IDE: variants seen among roughly 807,000 people sequenced by gnomAD.
The protein encoded by IDE is insulin degrading enzyme, also known as insulin-degrading enzyme.
IDE carries 58 observed loss-of-function variants against 133.2 expected under a neutral mutation model. The observed-to-expected ratio is 0.44, with a 90% CI of 0.35 to 0.54. The LOEUF (loss-of-function observed/expected upper bound fraction) is 0.54, where lower values mean the gene tolerates loss of function less well. Among genes scored for constraint, IDE ranks in the 20% least tolerant of loss-of-function variants. IDE has a pLI of 0.00. For missense variants in IDE, 981 were observed against 1,234.0 expected, an observed-to-expected ratio of 0.79 and a Z score of 3.07; for synonymous variants, 396 against 421.3, an observed-to-expected ratio of 0.94 and a Z score of 0.73.
intron 1 of IDE, among the ~76,000 whole-genome samples, chr10:92,571,285 G>C (rs992924950): frequency 6.6e-6 from 1 of 152,132 alleles, no homozygotes; most frequent in African/African-American, 2.4e-5. Context: ...AAAGTGTTGG[G>C]ATTACAGGCA....
rs1324091028 is a variant in IDE at position 92,548,803 on chromosome 10, T to C, written c.99-11253A>G. On this transcript the variant is annotated intron_variant, in intron 1 of 24. Coordinates refer to ENST00000265986, the MANE Select transcript of IDE (RefSeq NM_004969.4). ...ATTGCTATAGATGAGCCAGTGTTTA[T>C]AGTAAGTAGTTCTCAATGGGTGACT... Among the ~76,000 whole-genome samples the C allele has an allele frequency of 2.6e-5, 4 of 152,174 alleles. No individual in the cohort carries two copies. The East Asian group carries it at 7.7e-4, about 29-fold the overall frequency.
chr10:92,455,435 C>T (rs770005443), intron 24 of IDE, 141 bp downstream of exon 24: 22 of 608,552 alleles, frequency 3.6e-5, no homozygotes, highest in Non-Finnish European at 5.9e-5. Context: ...GAGCTGAGAT[C>T]GCACCACTGC....
At chr10:92,527,930 C>A (rs1333764553) in intron 4 of IDE, among the ~76,000 whole-genome samples, 2 of 152,120 alleles carry the variant, frequency 1.3e-5, no homozygotes, top group Admixed American at 1.3e-4. Flanking sequence ...ACAGGGGAAT[C>A]GTTTGAACCT....
rs1350761980 is a variant in IDE, at chr10:92,451,688, A to G, written c.*2756T>C. 1 of 152,328 alleles carries G rather than the reference A, an allele frequency of 6.6e-6. No individual in the cohort carries two copies. Among genetic ancestry groups the G allele is most frequent in the Non-Finnish European group, 1.5e-5 (1 of 68,118 alleles). 9.4% of individuals were successfully genotyped at this position (152,328 alleles called of 1,614,324 possible). A position where few individuals can be genotyped will look rare whatever the true frequency, so the allele number is the denominator to read the frequency against. On this transcript the variant is annotated 3_prime_UTR_variant, in exon 25 of 25. Transcript: ENST00000265986. The stretch of plus-strand genomic sequence containing the variant: ...CACATCGTCCCTGAGAACAATGCTG[A>G]CTGTGCGGGCTGGACCACTGTCCTA...
At chr10:92,481,778 G>A (rs1846628366) in intron 14 of IDE, among the ~76,000 whole-genome samples, 3 of 152,196 alleles carry the variant, frequency 2.0e-5, no homozygotes, top group Non-Finnish European at 4.4e-5. Flanking sequence ...GTGGGAGGCA[G>A]ACATTTTCAG....
chr10:92,543,278 C>T (rs1280915752), intron 1 of IDE, among the ~76,000 whole-genome samples: 1 of 152,170 alleles, frequency 6.6e-6, no homozygotes, highest in Non-Finnish European at 1.5e-5. Context: ...CATAACATTC[C>T]CAGTTCCTTG....
chr10:92,453,154 CTTACTG>C lies in IDE; in HGVS notation c.*1284_*1289del, dbSNP rs1351957726. 6 of 152,128 alleles carry C rather than the reference CTTACTG, an allele frequency of 3.9e-5. No homozygotes were observed. The highest frequency in any genetic ancestry group is 1.4e-4 in the African/African-American group (6 of 41,426). 9.4% of individuals were successfully genotyped at this position (152,128 alleles called of 1,614,324 possible). A position where few individuals can be genotyped will look rare whatever the true frequency, so the allele number is the denominator to read the frequency against. On this transcript the variant is annotated 3_prime_UTR_variant, in exon 25 of 25. Transcript: ENST00000265986. Reference sequence around the variant, plus strand: ...CCTGAGTTAGTGGATGACAGGGCCACTTACTGTTACTAGTGCTTGTATATGGAAATA... The same window carrying C: ...CCTGAGTTAGTGGATGACAGGGCCACTTACTAGTGCTTGTATATGGAAATA...
At chr10:92,460,124 A>G (rs1845291316) in intron 22 of IDE, among the ~76,000 whole-genome samples, 1 of 152,168 alleles carries the variant, frequency 6.6e-6, no homozygotes, top group Non-Finnish European at 1.5e-5. Context: ...GGCGTGAGCC[A>G]CCACGCCCAG....
intron 24 of IDE, among the ~76,000 whole-genome samples, chr10:92,455,268 T>G (rs2135288844): frequency 6.6e-6 from 1 of 152,050 alleles, no homozygotes; most frequent in Middle Eastern, 3.4e-3. Flanking sequence ...TTGAGGTCAG[T>G]AGTTTGAGAC....
intron 17 of IDE, 74 bp from the exon 18 acceptor site, chr10:92,470,419 A>G (rs937105385): frequency 1.1e-6 from 1 of 917,326 alleles, no homozygotes; most frequent in East Asian, 2.6e-5. Context: ...TGAGACTTAC[A>G]GAAGACTTGC....
chr10:92,461,584 G>A (rs1845395356), intron 21 of IDE, among the ~76,000 whole-genome samples: 1 of 152,118 alleles, frequency 6.6e-6, no homozygotes, highest in Non-Finnish European at 1.5e-5. Flanking sequence ...TTGAACTCCT[G>A]ACCTCAAGTG....
intron 1 of IDE, among the ~76,000 whole-genome samples, chr10:92,573,699 G>A (rs953498729): frequency 6.6e-6 from 1 of 152,222 alleles, no homozygotes; most frequent in Non-Finnish European, 1.5e-5. Context: ...CAGCCCAAGG[G>A]ACGTCCCCGA....
chr10:92,527,583 C>T (rs1849694492), intron 4 of IDE, among the ~76,000 whole-genome samples: 1 of 152,092 alleles, frequency 6.6e-6, no homozygotes, highest in Admixed American at 6.5e-5. Context: ...GATATACCTC[C>T]CCATTTAGGC....
intron 11 of IDE, among the ~76,000 whole-genome samples, chr10:92,497,361 T>C (rs1847766740): frequency 6.6e-6 from 1 of 152,226 alleles, no homozygotes; most frequent in Admixed American, 6.5e-5. Context: ...TACCTTGGTA[T>C]TTAATGAGTT....
intron 10 of IDE, 73 bp downstream of exon 10, chr10:92,506,369 T>A (rs1452590493): frequency 1.5e-6 from 1 of 680,342 alleles, no homozygotes; most frequent in Non-Finnish European, 2.5e-6. Flanking sequence ...ATTCACTTAT[T>A]ACTGAAAATA....
At chr10:92,477,131 G>T (rs183269784) in intron 15 of IDE, among the ~76,000 whole-genome samples, 1 of 151,802 alleles carries the variant, frequency 6.6e-6, no homozygotes, top group Admixed American at 6.6e-5. Flanking sequence ...TACACTGTAT[G>T]TATCATCAGG....
At chr10:92,558,448 TA>T (rs951095126) in intron 1 of IDE, among the ~76,000 whole-genome samples, 1 of 152,186 alleles carries the variant, frequency 6.6e-6, no homozygotes, top group Non-Finnish European at 1.5e-5. Flanking sequence ...ACCAGTTTTT[TA>T]AAAAGACAAA....
intron 1 of IDE, among the ~76,000 whole-genome samples, chr10:92,550,838 C>T (rs1196174367): frequency 6.6e-6 from 1 of 152,106 alleles, no homozygotes; most frequent in East Asian, 1.9e-4. Flanking sequence ...CCATTGCACT[C>T]CAGCCTGGCA....
chr10:92,494,119 T>C (rs1430950493), intron 11 of IDE, among the ~76,000 whole-genome samples: 1 of 152,090 alleles, frequency 6.6e-6, no homozygotes. Flanking sequence ...TCTTGTACAG[T>C]GGTGTGATCA....
Sources: gnomAD v4.1 joint callset for allele counts (sites outside exome capture counted in the v4.1 genomes callset) on GRCh38, gnomAD v4.1.1 for gene constraint, MANE v1.5 for transcripts, NCBI Gene and HGNC (gene_info 2026-07-23, HGNC 2026-07-21) for gene names.